The following EIPR1 variants were observed in gnomAD, a reference collection of about 807,000 sequenced individuals.
The protein encoded by EIPR1 is EARP and GARP complex-interacting protein 1.
EIPR1 carries 25 observed loss-of-function variants against 48.1 expected under a neutral mutation model. The ratio of observed to expected loss-of-function variants is 0.52; its 90% CI spans 0.38 to 0.73. The LOEUF (loss-of-function observed/expected upper bound fraction) is 0.73, where lower values mean the gene tolerates loss of function less well. EIPR1 is among the 30% of genes least tolerant of loss of function. The pLI, the probability that EIPR1 is intolerant of heterozygous loss-of-function variation, is 0.00. For synonymous variants in EIPR1, 204 were observed against 201.9 expected, an observed-to-expected ratio of 1.01 and a Z score of -0.09; for missense variants, 415 against 506.2, an observed-to-expected ratio of 0.82 and a Z score of 1.73.
chr2:3,359,517 T>C (rs1464030497), intron 1 of EIPR1, among the ~76,000 whole-genome samples: 1 of 152,110 alleles, frequency 6.6e-6, no homozygotes, highest in Non-Finnish European at 1.5e-5. Flanking sequence ...TTCAAGCTCA[T>C]ACAAGAAAAG....
At chr2:3,281,359 G>C (rs537872962) in intron 3 of EIPR1, among the ~76,000 whole-genome samples, 1 of 152,212 alleles carries the variant, frequency 6.6e-6, no homozygotes, top group South Asian at 2.1e-4. Flanking sequence ...GGGCGAGTTA[G>C]TGAGCACTTC....
chr2:3,262,020 C>G (rs1667349721), intron 3 of EIPR1: 1 of 152,184 alleles, frequency 6.6e-6, no homozygotes, highest in Non-Finnish European at 1.5e-5. Flanking sequence ...TGACTCTAAG[C>G]TCAACAAAGC....
At chr2:3,369,903 C>G (rs1671069338) in intron 1 of EIPR1, among the ~76,000 whole-genome samples, 3 of 152,286 alleles carry the variant, frequency 2.0e-5, no homozygotes, top group East Asian at 1.9e-4. Context: ...CAGCACGCAG[C>G]TGGAGATCTG....
intron 4 of EIPR1, among the ~76,000 whole-genome samples, chr2:3,215,870 T>C (rs563093304): frequency 5.9e-5 from 9 of 152,364 alleles, no homozygotes; most frequent in East Asian, 1.9e-4. Flanking sequence ...AGAAAGCTCA[T>C]AGTACTGTGA....
intron 3 of EIPR1, chr2:3,300,856 G>C (rs921718314): frequency 2.6e-5 from 4 of 152,182 alleles, no homozygotes; most frequent in African/African-American, 9.7e-5. Context: ...GAGTGAACCT[G>C]TGAACTCCGG....
intron 3 of EIPR1, among the ~76,000 whole-genome samples, chr2:3,305,118 T>A (rs1355044490): frequency 8.5e-6 from 1 of 116,998 alleles, no homozygotes; most frequent in Admixed American, 8.9e-5. Context: ...TCCACTCCCG[T>A]CCAGTTCAGC....
At chr2:3,340,640 A>G (rs983015039) in intron 2 of EIPR1, among the ~76,000 whole-genome samples, 1 of 152,244 alleles carries the variant, frequency 6.6e-6, no homozygotes, top group African/African-American at 2.4e-5. Flanking sequence ...ACTTAGTGAT[A>G]TTGAGAAAAA....
chr2:3,294,860 T>A (rs1479522745), intron 3 of EIPR1, among the ~76,000 whole-genome samples: 1 of 106,808 alleles, frequency 9.4e-6, no homozygotes, highest in Non-Finnish European at 1.8e-5. Flanking sequence ...ATACCCTCCA[T>A]CCAGCCAACC....
chr2:3,309,990 G>T (rs1669074260), intron 3 of EIPR1, among the ~76,000 whole-genome samples: 1 of 152,152 alleles, frequency 6.6e-6, no homozygotes, highest in Non-Finnish European at 1.5e-5. Context: ...GACGCTCCCT[G>T]CGCTGCTCCA....
At chr2:3,239,742 T>C (rs141421708) in intron 4 of EIPR1, among the ~76,000 whole-genome samples, 2,005 of 151,934 alleles carry the variant, frequency 0.013, 21 homozygotes, top group Middle Eastern at 0.02. Flanking sequence ...CTCAGCACGG[T>C]GCAGACACTC....
intron 2 of EIPR1, 80 bp downstream of exon 2, chr2:3,354,470 T>C (rs1670670137): frequency 7.5e-7 from 1 of 1,329,100 alleles, no homozygotes; most frequent in Non-Finnish European, 1.1e-6. Flanking sequence ...CAAATGTTGC[T>C]GGAAAATCAG....
chr2:3,357,578 A>C lies in EIPR1; in HGVS notation c.43-2945T>G, dbSNP rs13407436. On this transcript the variant is annotated intron_variant, in intron 1 of 8. Coordinates refer to ENST00000382125, the MANE Select transcript of EIPR1 (RefSeq NM_003310.5). Reference sequence around the variant, plus strand: ...ACCACTCATACACTGCTGAGTGTTCAAACTGTGTTCAAATAAGGCAAATGC... The same window carrying C: ...ACCACTCATACACTGCTGAGTGTTCCAACTGTGTTCAAATAAGGCAAATGC... Among the ~76,000 whole-genome samples, 266 of 152,302 alleles carry C rather than the reference A, an allele frequency of 1.7e-3. 1 individual carries two copies. The highest frequency in any genetic ancestry group is 3.4e-3 in the Non-Finnish European group (231 of 68,022).
chr2:3,343,269 C>G (rs1670304440), intron 2 of EIPR1, among the ~76,000 whole-genome samples: 1 of 152,352 alleles, frequency 6.6e-6, no homozygotes, highest in Non-Finnish European at 1.5e-5. Flanking sequence ...ACTCTCTGTT[C>G]TCAGGGCACC....
intron 5 of EIPR1, chr2:3,208,645 G>A (rs1317996936): frequency 1.3e-6 from 2 of 1,550,624 alleles, no homozygotes; most frequent in Admixed American, 2.0e-5. Flanking sequence ...TGGTATGCTT[G>A]GCATATGGCT....
chr2:3,323,131 A>G (rs1258679348), intron 3 of EIPR1, among the ~76,000 whole-genome samples: 3 of 151,760 alleles, frequency 2.0e-5, no homozygotes, highest in African/African-American at 7.3e-5. Flanking sequence ...AAACCTAGTC[A>G]CTGAAGAGGA....
At chr2:3,300,603 C>T (rs535024793) in intron 3 of EIPR1, among the ~76,000 whole-genome samples, 3 of 152,078 alleles carry the variant, frequency 2.0e-5, no homozygotes, top group East Asian at 1.9e-4. Context: ...TGGGCTTTCG[C>T]GCTAATACCC....
intron 3 of EIPR1, among the ~76,000 whole-genome samples, chr2:3,329,187 C>T (rs1448399198): frequency 9.3e-5 from 14 of 149,892 alleles, no homozygotes; most frequent in African/African-American, 2.9e-4. Context: ...TCTCAGGGCA[C>T]CAGCTGGGCT....
At chr2:3,353,950 G>A (rs1010649273) in intron 2 of EIPR1, among the ~76,000 whole-genome samples, 1 of 152,176 alleles carries the variant, frequency 6.6e-6, no homozygotes, top group Non-Finnish European at 1.5e-5. Flanking sequence ...CAATCACCAC[G>A]GCATCTCATT....
At chr2:3,199,466 T>C (rs538951021) in intron 5 of EIPR1, among the ~76,000 whole-genome samples, 2 of 152,366 alleles carry the variant, frequency 1.3e-5, no homozygotes, top group East Asian at 1.9e-4. Context: ...TCACAATTTA[T>C]GTTCTTCTGT....
Sources: allele counts gnomAD v4.1 joint callset (sites outside exome capture counted in the v4.1 genomes callset), GRCh38; gene constraint gnomAD v4.1.1; transcripts MANE v1.5; gene names NCBI Gene and HGNC (gene_info 2026-07-23, HGNC 2026-07-21).